Variants in TYW1B observed in about 807,000 individuals in gnomAD.
TYW1B encodes the protein S-adenosyl-L-methionine-dependent tRNA 4-demethylwyosine synthase TYW1B.
Under a neutral mutation model 86.9 loss-of-function variants are expected in TYW1B, and 73 were observed. The ratio of observed to expected loss-of-function variants is 0.84; its 90% CI spans 0.70 to 1.02. The LOEUF is 1.02. Among genes scored for constraint, TYW1B ranks in the 50% least tolerant of loss-of-function variants. The pLI is 0.00. For missense variants in TYW1B, 637 were observed against 827.4 expected, an observed-to-expected ratio of 0.77 and a Z score of 2.82; for synonymous variants, 248 against 292.8, an observed-to-expected ratio of 0.85 and a Z score of 1.56.
chr7:72,631,940 T>C (rs543768563), intron 11 of TYW1B, among the ~76,000 whole-genome samples: 1 of 152,272 alleles, frequency 6.6e-6, no homozygotes, highest in Non-Finnish European at 1.5e-5. Flanking sequence ...TTAGCTATTA[T>C]ATGCCAGCAA....
chr7:72,680,384 T>C (rs1200635650), intron 11 of TYW1B, among the ~76,000 whole-genome samples: 1 of 152,116 alleles, frequency 6.6e-6, no homozygotes, highest in Non-Finnish European at 1.5e-5. Flanking sequence ...CTGAGTCTTC[T>C]GGCCTTCATC....
chr7:72,751,069 G>A (rs1297638177), intron 7 of TYW1B, among the ~76,000 whole-genome samples: 2 of 148,600 alleles, frequency 1.3e-5, no homozygotes, highest in Non-Finnish European at 3.0e-5. Flanking sequence ...ACAGAGTCTA[G>A]CTCTGTCACC....
At chr7:72,743,652 T>C (rs1396495972) in intron 8 of TYW1B, among the ~76,000 whole-genome samples, 8 of 152,006 alleles carry the variant, frequency 5.3e-5, no homozygotes, top group African/African-American at 1.9e-4. Flanking sequence ...AAAACCGGCC[T>C]GGCCAACATG....
chr7:72,676,735 G>A lies in TYW1B; in HGVS notation c.1506+17952C>T, dbSNP rs1362319111. On this transcript the variant is annotated intron_variant, in intron 11 of 13. Transcript: ENST00000620995. ...AGCACTTTGGGAGGCCGAGGCGGTG[G>A]ATTGCTTGAGGCCAGGAGTTCAAGA... 1.3e-5 allele frequency among the ~76,000 whole-genome samples: 2 copies of A among 152,192 alleles called. 1 individual carries two copies. Among genetic ancestry groups the A allele is most frequent in the Admixed American group, 1.3e-4 (2 of 15,276 alleles).
chr7:72,716,183 C>T (rs1347788175), intron 9 of TYW1B, among the ~76,000 whole-genome samples: 17 of 152,130 alleles, frequency 1.1e-4, no homozygotes, highest in Admixed American at 3.9e-4. Flanking sequence ...GTGATCTGCC[C>T]GCCTCGGCCT....
chr7:72,654,770 A>G lies in TYW1B; in HGVS notation c.1507-25773T>C, dbSNP rs1324890858. 2.6e-5 allele frequency among the ~76,000 whole-genome samples: 4 copies of G among 152,220 alleles called. No individual in the cohort carries two copies. In the East Asian group the frequency reaches 7.7e-4, roughly 29 times the overall value. The stretch of plus-strand genomic sequence containing the variant: ...GTGGTTGACACCTGCAATCCCAGCT[A>G]CTTGGGAGGCTGAGGCAGGAGAATT... On this transcript the variant is annotated intron_variant, in intron 11 of 13. Transcript: ENST00000620995.
At chr7:72,783,911 C>G (rs1431553929) in intron 6 of TYW1B, among the ~76,000 whole-genome samples, 1 of 152,172 alleles carries the variant, frequency 6.6e-6, no homozygotes, top group African/African-American at 2.4e-5. Context: ...AAAAATAATT[C>G]TGAAACTAGC....
At chr7:72,603,779 A>T (rs1811731308) in intron 13 of TYW1B, among the ~76,000 whole-genome samples, 1 of 152,146 alleles carries the variant, frequency 6.6e-6, no homozygotes, top group East Asian at 1.9e-4. Context: ...TTCATAACCC[A>T]AGTCTCATGA....
intron 13 of TYW1B, among the ~76,000 whole-genome samples, chr7:72,578,178 A>G (rs1811071588): frequency 6.6e-6 from 1 of 150,868 alleles, no homozygotes; most frequent in African/African-American, 2.4e-5. Flanking sequence ...CAGTGGCGCA[A>G]TCTCGGCTCA....
intron 13 of TYW1B, among the ~76,000 whole-genome samples, chr7:72,576,428 T>C (rs1379219668): frequency 1.3e-5 from 2 of 152,196 alleles, no homozygotes; most frequent in Non-Finnish European, 2.9e-5. Flanking sequence ...AAGCATTTGT[T>C]TGGCATTCAT....
intron 11 of TYW1B, among the ~76,000 whole-genome samples, chr7:72,665,428 T>A (rs1813438877): frequency 6.6e-6 from 1 of 152,190 alleles, no homozygotes; most frequent in Non-Finnish European, 1.5e-5. Flanking sequence ...TTCTGTGACA[T>A]TAGGAGAAAA....
chr7:72,749,724 CTTTT>C (rs1170711681), intron 7 of TYW1B, among the ~76,000 whole-genome samples: 1 of 140,694 alleles, frequency 7.1e-6, no homozygotes, highest in Non-Finnish European at 1.6e-5. Flanking sequence ...CTTCCATTTT[CTTTT>C]TTTTTTTTTA....
At chr7:72,756,906 G>A (rs1787599251) in intron 7 of TYW1B, among the ~76,000 whole-genome samples, 1 of 152,192 alleles carries the variant, frequency 6.6e-6, no homozygotes, top group Non-Finnish European at 1.5e-5. Context: ...ATCACTGGTT[G>A]TTAGGAAGAT....
Position 72,755,133 on chromosome 7 carries a change from T to C in TYW1B, c.965-10532A>G, listed in dbSNP as rs1554465761. ...AGTAGATGGAATAACAGAAGTGTCA[T>C]CTGGCGGGGCACAGTGGCTCACACC... On this transcript the variant is annotated intron_variant, in intron 7 of 13. Transcript: ENST00000620995. Among the ~76,000 whole-genome samples, 8 of 152,222 alleles carry C rather than the reference T, an allele frequency of 5.3e-5. No individual in the cohort carries two copies. The South Asian group carries it at 1.7e-3, about 32-fold the overall frequency.
At chr7:72,639,717 A>T (rs1181473103) in intron 11 of TYW1B, among the ~76,000 whole-genome samples, 1 of 151,908 alleles carries the variant, frequency 6.6e-6, no homozygotes, top group East Asian at 1.9e-4. Context: ...TACAAAAAAA[A>T]TAGCCAGGCG....
intron 9 of TYW1B, among the ~76,000 whole-genome samples, chr7:72,718,812 C>G (rs1214970482): frequency 2.0e-5 from 3 of 152,170 alleles, no homozygotes; most frequent in Non-Finnish European, 4.4e-5. Context: ...AGTAGAAAGG[C>G]AGGTTGAACC....
intron 2 of TYW1B, among the ~76,000 whole-genome samples, chr7:72,816,132 C>T (rs1466822534): frequency 1.3e-5 from 2 of 152,120 alleles, no homozygotes; most frequent in Non-Finnish European, 2.9e-5. Flanking sequence ...ATCCCAGTAC[C>T]TTGGGAGGCC....
chr7:72,799,497 GC>G (rs1788367390), intron 6 of TYW1B, among the ~76,000 whole-genome samples: 1 of 147,710 alleles, frequency 6.8e-6, no homozygotes, highest in Admixed American at 6.9e-5. Context: ...ACGGAGTCTC[GC>G]TCTGTCACCC....
chr7:72,601,809 A>C (rs1246694768), intron 13 of TYW1B, among the ~76,000 whole-genome samples: 1 of 152,012 alleles, frequency 6.6e-6, no homozygotes, highest in Non-Finnish European at 1.5e-5. Flanking sequence ...AAAACTACAT[A>C]GTATATACTT....
Sources: allele counts gnomAD v4.1 joint callset (sites outside exome capture counted in the v4.1 genomes callset), GRCh38; gene constraint gnomAD v4.1.1; transcripts MANE v1.5; gene names NCBI Gene and HGNC (gene_info 2026-07-23, HGNC 2026-07-21).